The following TDRD7 variants were observed in gnomAD, a reference collection of about 807,000 sequenced individuals.
The protein encoded by TDRD7 is tudor domain containing 7.
Under a neutral mutation model 109.8 loss-of-function variants are expected in TDRD7, and 47 were observed. That is an observed-to-expected ratio of 0.43 (90% CI 0.34 to 0.55). The LOEUF is 0.55. Ranked by LOEUF, TDRD7 falls within the 20% of genes least tolerant of loss-of-function variation. The pLI, the probability that TDRD7 is intolerant of heterozygous loss-of-function variation, is 0.03. For missense variants in TDRD7, 1,164 were observed against 1,319.2 expected (o/e 0.88, Z 1.82); for synonymous variants, 424 against 457.3 (o/e 0.93, Z 0.93).
chr9:97,415,852 A>G (rs574702607), intron 1 of TDRD7, among the ~76,000 whole-genome samples: 2 of 152,374 alleles, frequency 1.3e-5, no homozygotes, highest in South Asian at 4.1e-4. Flanking sequence ...AGAACAAAGT[A>G]TTCTTATATA....
intron 6 of TDRD7, among the ~76,000 whole-genome samples, chr9:97,454,826 AAGATC>A (rs570309979): frequency 1.0e-3 from 156 of 152,320 alleles, no homozygotes; most frequent in African/African-American, 3.7e-3. Context: ...AGAAATAACT[AAGATC>A]AGAGAAGAAT....
chr9:97,438,152 G>A (rs775633983), intron 4 of TDRD7, among the ~76,000 whole-genome samples: 1 of 152,214 alleles, frequency 6.6e-6, no homozygotes, highest in Non-Finnish European at 1.5e-5. Context: ...TACCAGTTCT[G>A]CAAAATAGGA....
intron 11 of TDRD7, 84 bp downstream of exon 11, chr9:97,473,710 A>T: frequency 6.3e-7 from 1 of 1,586,206 alleles, no homozygotes; most frequent in Non-Finnish European, 8.6e-7. Context: ...AGTATGAACA[A>T]TTTTTTTTGT....
chr9:97,457,746 G>A (rs556051987), intron 6 of TDRD7, among the ~76,000 whole-genome samples: 1 of 152,156 alleles, frequency 6.6e-6, no homozygotes, highest in African/African-American at 2.4e-5. Context: ...ATGCCCATCA[G>A]TGATAGACTA....
In TDRD7 at chr9:97,426,709, C is replaced by T. The variant is rs531815071; in HGVS notation, c.-6-1751C>T. 7.2e-5 allele frequency among the ~76,000 whole-genome samples: 11 copies of T among 152,264 alleles called. No individual in the cohort carries two copies. The South Asian group carries it at 1.4e-3, about 20-fold the overall frequency. Reference sequence around the variant, plus strand: ...CAGAACCTCTTTTATATATGCAGTCCGTTGTTGACTAAAACACTGTTAAGT... The same window carrying T: ...CAGAACCTCTTTTATATATGCAGTCTGTTGTTGACTAAAACACTGTTAAGT... On this transcript the variant is annotated intron_variant, in intron 1 of 16. Coordinates refer to ENST00000355295, the MANE Select transcript of TDRD7 (RefSeq NM_014290.3).
chr9:97,443,086 C>T (rs1175821470), intron 6 of TDRD7, among the ~76,000 whole-genome samples: 2 of 152,174 alleles, frequency 1.3e-5, no homozygotes, highest in South Asian at 4.1e-4. Flanking sequence ...GCATGAGCCA[C>T]CATGCCTGGC....
At position 97,478,295 on chromosome 9, in the gene TDRD7, T is replaced by C. The variant is rs546693889; in HGVS notation, c.2167-144T>C. On this transcript the variant is annotated intron_variant, in intron 12 of 16. Transcript: ENST00000355295. ...ATAATAATAATATTTAGTAAATAAA[T>C]ACATTTTAAATTAGGGGAAAATTTT... The C allele has an allele frequency of 6.0e-6, 4 of 667,524 alleles. No homozygotes were observed. The Admixed American group carries it at 8.3e-5, about 14-fold the overall frequency. The allele number at this position is 667,524 out of a possible 1,614,324, so 41.4% of individuals were successfully genotyped here.
chr9:97,433,416 G>A (rs1828138951), intron 4 of TDRD7, among the ~76,000 whole-genome samples: 1 of 151,842 alleles, frequency 6.6e-6, no homozygotes, highest in Non-Finnish European at 1.5e-5. Context: ...ATGTGACAGA[G>A]GTATTCTCTG....
intron 6 of TDRD7, among the ~76,000 whole-genome samples, chr9:97,450,041 T>C (rs1160629105): frequency 6.6e-6 from 1 of 152,146 alleles, no homozygotes; most frequent in Admixed American, 6.6e-5. Flanking sequence ...TATCATGAAC[T>C]TACGGGAATA....
Position 97,483,298 on chromosome 9 carries a change from G to A in TDRD7, c.2862G>A (p.Glu954=). 1.2e-6 allele frequency: 2 copies of A among 1,614,160 alleles called. No individual in the cohort carries two copies. The highest frequency in any genetic ancestry group is 8.5e-7 in the Non-Finnish European group (1 of 1,180,020). The change falls in exon 15 of 17, where the codon GAG becomes GAA. Residue 954 remains glutamate (E), a synonymous_variant. Coordinates refer to ENST00000355295, the MANE Select transcript of TDRD7 (RefSeq NM_014290.3). Reference sequence around the variant, plus strand: ...TTCTATATTACAGCGTGTCTGAAGAGCGCCACATAGCAGTGGAGAAAGACC... The same window carrying A: ...TTCTATATTACAGCGTGTCTGAAGAACGCCACATAGCAGTGGAGAAAGACC... The part of the protein sequence containing the change: ...EMILYYSVSE[E]RHIAVEKDQV...
chr9:97,448,200 C>T (rs1231538582), intron 6 of TDRD7, among the ~76,000 whole-genome samples: 3 of 152,212 alleles, frequency 2.0e-5, no homozygotes, highest in Admixed American at 2.0e-4. Flanking sequence ...GTAACCATTT[C>T]TGAATATCTT....
At position 97,483,045 on chromosome 9, in the gene TDRD7, C is replaced by T. The variant is rs368465753; in HGVS notation, c.2609C>T (p.Ser870Leu). 10 of 1,614,134 alleles carry T rather than the reference C, an allele frequency of 6.2e-6. No individual in the cohort carries two copies. The highest frequency in any genetic ancestry group is 5.3e-5 in the African/African-American group (4 of 75,040). ...AGCAAAAATGGCAACATGCCCATGT[C>T]GGGCAACACTGGAGAGAATTTCAGA... ...PNSKNGNMPM[S>L]GNTGENFRKN... The change falls in exon 15 of 17, where the codon TCG becomes TTG. Residue 870 changes from serine (S) to leucine (L), a missense_variant. By Grantham distance (145) the Ser-to-Leu change is moderately radical. Coordinates refer to ENST00000355295, the MANE Select transcript of TDRD7 (RefSeq NM_014290.3).
At position 97,480,843 on chromosome 9, in the gene TDRD7, T is replaced by G; in HGVS notation, c.2317T>G (p.Leu773Val). 6.2e-7 allele frequency: 1 copy of G among 1,613,982 alleles called. No homozygotes were observed. The highest frequency in any genetic ancestry group is 2.2e-5 in the East Asian group (1 of 44,886). Residue 773 changes from leucine to valine, a missense_variant, in exon 14 of 17, where the codon TTA becomes GTA. Transcript: ENST00000355295. Reference protein sequence around the residue: ...AIPPQAIKCCLADLPQSIGMW... With the variant: ...AIPPQAIKCCVADLPQSIGMW... ...TTCTTTTCAGGCCATTAAGTGCTGT[T>G]TAGCAGATCTTCCACAATCTATTGG...
intron 6 of TDRD7, among the ~76,000 whole-genome samples, chr9:97,445,509 G>T (rs2118393508): frequency 6.6e-6 from 1 of 152,328 alleles, no homozygotes; most frequent in East Asian, 1.9e-4. Flanking sequence ...ATAGTCTGAT[G>T]AGTCAAGTAA....
chr9:97,483,306 T>A lies in TDRD7; in HGVS notation c.2870T>A (p.Ile957Lys), dbSNP rs909600703. Reference protein sequence around the residue: ...LYYSVSEERHIAVEKDQVYAA... With the variant: ...LYYSVSEERHKAVEKDQVYAA... ...TACAGCGTGTCTGAAGAGCGCCACA[T>A]AGCAGTGGAGAAAGACCAAGTGTAT... Residue 957 changes from isoleucine (I) to lysine (K), a missense_variant, in exon 15 of 17, where the codon ATA becomes AAA. Ile to Lys is a moderately radical substitution (Grantham distance 102). Coordinates refer to ENST00000355295, the MANE Select transcript of TDRD7 (RefSeq NM_014290.3). The A allele has an allele frequency of 6.2e-7, 1 of 1,614,014 alleles. No individual in the cohort carries two copies. Among genetic ancestry groups the A allele is most frequent in the Non-Finnish European group, 8.5e-7 (1 of 1,180,016 alleles).
At chr9:97,454,825 T>C (rs889316186) in intron 6 of TDRD7, among the ~76,000 whole-genome samples, 5 of 151,596 alleles carry the variant, frequency 3.3e-5, no homozygotes, top group African/African-American at 1.2e-4. Flanking sequence ...AAGAAATAAC[T>C]AAGATCAGAG....
At chr9:97,451,316 G>T in intron 6 of TDRD7, among the ~76,000 whole-genome samples, 1 of 151,980 alleles carries the variant, frequency 6.6e-6, no homozygotes, top group East Asian at 1.9e-4. Flanking sequence ...TTAGAGACAG[G>T]TTTTGCTCTG....
At chr9:97,483,422 C>T (rs749968640) in intron 15 of TDRD7, 71 bp downstream of exon 15, 186 of 1,566,742 alleles carry the variant, frequency 1.2e-4, no homozygotes, top group Non-Finnish European at 1.6e-4. Context: ...GAGTCTTAAT[C>T]TTGGCGGGGG....
chr9:97,442,882 G>A (rs189588376), intron 6 of TDRD7, among the ~76,000 whole-genome samples: 115 of 151,662 alleles, frequency 7.6e-4, no homozygotes, highest in African/African-American at 2.5e-3. Flanking sequence ...TGCAACCTTC[G>A]CCTCCAGGGT....
Sources: gnomAD v4.1 joint callset for allele counts (sites outside exome capture counted in the v4.1 genomes callset) on GRCh38, gnomAD v4.1.1 for gene constraint, MANE v1.5 for transcripts, NCBI Gene and HGNC (gene_info 2026-07-23, HGNC 2026-07-21) for gene names.